ACAD10: variants seen among roughly 807,000 people sequenced by gnomAD.
ACAD10 encodes the protein acyl-CoA dehydrogenase family member 10.
ACAD10 carries 112 observed loss-of-function variants against 116.8 expected under a neutral mutation model. The ratio of observed to expected loss-of-function variants is 0.96; its 90% CI spans 0.82 to 1.12. The LOEUF (loss-of-function observed/expected upper bound fraction) is 1.12. Among genes scored for constraint, ACAD10 ranks in the 50% most tolerant of loss-of-function variants. ACAD10 has a pLI of 0.00. For synonymous variants in ACAD10, 486 were observed against 510.6 expected, an observed-to-expected ratio of 0.95 and a Z score of 0.65; for missense variants, 1,259 against 1,350.2, an observed-to-expected ratio of 0.93 and a Z score of 1.06.
At chr12:111,711,130 T>C (rs1888665210) in intron 5 of ACAD10, among the ~76,000 whole-genome samples, 1 of 152,246 alleles carries the variant, frequency 6.6e-6, no homozygotes, top group South Asian at 2.1e-4. Flanking sequence ...AGACTTTCCT[T>C]ATTATTTAAT....
intron 2 of ACAD10, chr12:111,693,154 TCCG>T: frequency 2.1e-6 from 1 of 485,904 alleles, no homozygotes; most frequent in East Asian, 3.8e-5. Flanking sequence ...CGGAGAGTTA[TCCG>T]TGGGAAGCAC....
intron 1 of ACAD10, chr12:111,691,084 C>T (rs764928552): frequency 6.6e-6 from 1 of 152,160 alleles, no homozygotes; most frequent in Non-Finnish European, 1.5e-5. Context: ...AAAGAAGTTA[C>T]AGTGATCTCC....
intron 2 of ACAD10, among the ~76,000 whole-genome samples, chr12:111,696,546 G>T (rs1888195379): frequency 6.6e-6 from 1 of 152,140 alleles, no homozygotes; most frequent in Non-Finnish European, 1.5e-5. Context: ...GTCCATGACT[G>T]CTTTTACCCT....
intron 19 of ACAD10, 40 bp downstream of exon 19, chr12:111,753,955 A>T (rs1238892449): frequency 1.3e-6 from 2 of 1,560,376 alleles, no homozygotes; most frequent in African/African-American, 2.7e-5. Context: ...AGAGGCAGAG[A>T]TTCTTCCTCC....
In ACAD10 at chr12:111,712,502, A is replaced by G; in HGVS notation, c.695A>G (p.Asn232Ser). 1 of 1,611,692 alleles carries G rather than the reference A, an allele frequency of 6.2e-7. No homozygotes were observed. Among genetic ancestry groups the G allele is most frequent in the Non-Finnish European group, 8.5e-7 (1 of 1,179,208 alleles). Residue 232 changes from asparagine to serine, a missense_variant, in exon 6 of 21, where the codon AAT becomes AGT. Asn to Ser is a conservative substitution (Grantham distance 46, BLOSUM62 1). Transcript: ENST00000313698. ...ACATATTCTCTCTGAAACCAGGTTA[A>G]TGACCCAGAGACTGCAGTAAAGGAA... ...ARLGIHTIKV[N>S]DPETAVKELE... is the part of the protein sequence containing the mutation.
At chr12:111,726,724 G>C (rs1405958919) in intron 8 of ACAD10, among the ~76,000 whole-genome samples, 1 of 152,102 alleles carries the variant, frequency 6.6e-6, no homozygotes, top group African/African-American at 2.4e-5. Context: ...AGCTGGTTGT[G>C]GTGGCACATA....
chr12:111,746,030 C>A, intron 13 of ACAD10, 114 bp from the exon 14 acceptor site: 1 of 1,369,810 alleles, frequency 7.3e-7, no homozygotes, highest in South Asian at 1.4e-5. Context: ...TTTGGGCACA[C>A]GTGCATGTTT....
intron 18 of ACAD10, among the ~76,000 whole-genome samples, chr12:111,750,000 C>T (rs1890026922): frequency 6.6e-6 from 1 of 151,596 alleles, no homozygotes; most frequent in Non-Finnish European, 1.5e-5. Flanking sequence ...GTCTCGATCC[C>T]TTGACCTCGT....
At chr12:111,726,360 A>G (rs997021519) in intron 8 of ACAD10, among the ~76,000 whole-genome samples, 4 of 152,178 alleles carry the variant, frequency 2.6e-5, no homozygotes, top group African/African-American at 7.2e-5. Flanking sequence ...TGGGTGGTAT[A>G]TACACCACTC....
At chr12:111,725,595 C>A (rs1002652068) in intron 8 of ACAD10, among the ~76,000 whole-genome samples, 1 of 150,766 alleles carries the variant, frequency 6.6e-6, no homozygotes, top group Admixed American at 6.7e-5. Flanking sequence ...AGCGAAATGG[C>A]GCGGTCTGGG....
At chr12:111,707,555 G>A (rs2135954557) in intron 4 of ACAD10, among the ~76,000 whole-genome samples, 1 of 152,222 alleles carries the variant, frequency 6.6e-6, no homozygotes, top group African/African-American at 2.4e-5. Flanking sequence ...TTCCTCCAAG[G>A]ATATTCTGAG....
Position 111,756,540 on chromosome 12 carries a change from G to A in ACAD10, c.*67G>A, listed in dbSNP as rs1043827275. 6.3e-7 allele frequency: 1 copy of A among 1,585,028 alleles called. No homozygotes were observed. The highest frequency in any genetic ancestry group is 8.5e-7 in the Non-Finnish European group (1 of 1,170,392). ...CTGTGCCCAGATCTGTCACTGATGTGCCTCGAAAGATCCGGTGTTTGTGGC... is the reference window on the plus strand; with the variant it reads ...CTGTGCCCAGATCTGTCACTGATGTACCTCGAAAGATCCGGTGTTTGTGGC... On this transcript the variant is annotated 3_prime_UTR_variant, in exon 21 of 21. Coordinates refer to ENST00000313698, the MANE Select transcript of ACAD10 (RefSeq NM_025247.6).
chr12:111,733,914 A>G lies in ACAD10; in HGVS notation c.1395-9A>G, dbSNP rs754240032. On this transcript the variant is annotated splice_polypyrimidine_tract_variant and intron_variant, in intron 10 of 20. Transcript: ENST00000313698. ...TAGTGCTGTCTCTATTCCTCCTGCG[A>G]CTTTTCAGGCTCGACAACCTGGTGT... 3.1e-6 allele frequency: 5 copies of G among 1,614,132 alleles called. No individual in the cohort carries two copies. In the East Asian group the frequency reaches 1.1e-4, roughly 36 times the overall value.
At chr12:111,693,581 C>G (rs577041774) in intron 2 of ACAD10, among the ~76,000 whole-genome samples, 1 of 152,022 alleles carries the variant, frequency 6.6e-6, no homozygotes, top group Non-Finnish European at 1.5e-5. Context: ...ACCACTTCTT[C>G]TTGGGAACTG....
At chr12:111,736,501 C>T (rs1413939188) in intron 11 of ACAD10, among the ~76,000 whole-genome samples, 1 of 152,142 alleles carries the variant, frequency 6.6e-6, no homozygotes, top group Non-Finnish European at 1.5e-5. Flanking sequence ...TGAGATCGCT[C>T]TTTCCATATC....
intron 12 of ACAD10, among the ~76,000 whole-genome samples, chr12:111,741,711 C>T (rs1318327892): frequency 7.9e-5 from 12 of 152,078 alleles, no homozygotes; most frequent in East Asian, 1.9e-4. Context: ...AATATAAAAA[C>T]GTATGATGAA....
intron 2 of ACAD10, among the ~76,000 whole-genome samples, chr12:111,694,517 A>C (rs1234957425): frequency 1.3e-5 from 2 of 152,114 alleles, no homozygotes; most frequent in Admixed American, 1.3e-4. Flanking sequence ...TCTAAAAAAA[A>C]AGGCAGCAGG....
chr12:111,729,927 G>A lies in ACAD10; in HGVS notation c.1365G>A (p.Gln455=), dbSNP rs532943669. The change falls in exon 10 of 21, where the codon CAG becomes CAA. Residue 455 remains glutamine, a synonymous_variant. Coordinates refer to ENST00000313698, the MANE Select transcript of ACAD10 (RefSeq NM_025247.6). ...TGCCCCTCCATCTTCCCCGTCAGCA[G>A]AGGACCACAGTGGTGCACGGGGACT... ...EWLPLHLPRQ[Q]RTTVVHGDFR... is the part of the protein sequence containing the mutation. 2 of 1,614,170 alleles carry A rather than the reference G, an allele frequency of 1.2e-6. No individual in the cohort carries two copies. The highest frequency in any genetic ancestry group is 3.3e-5 in the Admixed American group (2 of 60,020).
intron 10 of ACAD10, among the ~76,000 whole-genome samples, chr12:111,733,191 T>C (rs1444222267): frequency 6.6e-6 from 1 of 152,112 alleles, no homozygotes; most frequent in Admixed American, 6.6e-5. Context: ...CACCAACTCC[T>C]GGGCTCAGTG....
Sources: gnomAD v4.1 joint callset for allele counts (sites outside exome capture counted in the v4.1 genomes callset) on GRCh38, gnomAD v4.1.1 for gene constraint, MANE v1.5 for transcripts, NCBI Gene and HGNC (gene_info 2026-07-23, HGNC 2026-07-21) for gene names.